PACSIN2: variants seen among roughly 807,000 people sequenced by gnomAD.
PACSIN2 encodes protein kinase C and casein kinase substrate in neurons 2, also known as protein kinase C and casein kinase substrate in neurons protein 2.
In PACSIN2, 25 loss-of-function variants were observed where a neutral mutation model predicts 63.8. That is an observed-to-expected ratio of 0.39 (90% CI 0.29 to 0.55). The LOEUF (loss-of-function observed/expected upper bound fraction) is 0.55, where lower values mean the gene tolerates loss of function less well. PACSIN2 is among the 20% of genes least tolerant of loss of function. PACSIN2 has a pLI of 0.62. For missense variants in PACSIN2, 518 were observed against 646.9 expected (o/e 0.80, Z 2.16); for synonymous variants, 255 against 256.2 (o/e 1.00, Z 0.05).
chr22:42,962,093 C>G (rs1325583500), intron 1 of PACSIN2, among the ~76,000 whole-genome samples: 1 of 152,120 alleles, frequency 6.6e-6, no homozygotes, highest in Non-Finnish European at 1.5e-5. Flanking sequence ...AGTTTGAGAC[C>G]AGCCTGGCCA....
At position 42,871,332 on chromosome 22, in the gene PACSIN2, C is replaced by A; in HGVS notation, c.*25G>T. 1 of 1,513,780 alleles carries A rather than the reference C, an allele frequency of 6.6e-7. No individual in the cohort carries two copies. The highest frequency in any genetic ancestry group is 9.2e-7 in the Non-Finnish European group (1 of 1,088,482). The allele number at this position is 1,513,780 out of a possible 1,614,324, so 93.8% of individuals were successfully genotyped here. A position where few individuals can be genotyped will look rare whatever the true frequency, so the allele number is the denominator to read the frequency against. On this transcript the variant is annotated 3_prime_UTR_variant, in exon 11 of 11. Transcript: ENST00000263246. The surrounding 1 kb of genome is among the most constrained non-coding windows in gnomAD (Gnocchi z 5.4). Reference sequence around the variant, plus strand: ...GGCTCCTGGGCCCGCCGCCTCCGTCCCCCCGCTGGCCTGTCCCCGACTCAT... The same window carrying A: ...GGCTCCTGGGCCCGCCGCCTCCGTCACCCCGCTGGCCTGTCCCCGACTCAT...
At chr22:42,893,436 A>C (rs1205350251) in intron 3 of PACSIN2, 21 bp downstream of exon 3, 1 of 1,607,774 alleles carries the variant, frequency 6.2e-7, no homozygotes, top group African/African-American at 1.3e-5. Flanking sequence ...AGGCCACAGG[A>C]CCTGTGCCGG....
intron 1 of PACSIN2, chr22:42,959,894 A>G (rs1057068810): frequency 6.6e-6 from 1 of 152,236 alleles, no homozygotes; most frequent in Non-Finnish European, 1.5e-5. Flanking sequence ...CTCTCAGCTG[A>G]ATTCTCCCAG....
chr22:42,885,248 G>C (rs114982822), intron 5 of PACSIN2, among the ~76,000 whole-genome samples: 1,600 of 152,196 alleles, frequency 0.011, 29 homozygotes, highest in African/African-American at 0.036. Flanking sequence ...TCATCTGGTG[G>C]GGATGTGCCT....
chr22:42,908,874 G>A (rs994885894), intron 2 of PACSIN2, among the ~76,000 whole-genome samples: 36 of 152,214 alleles, frequency 2.4e-4, no homozygotes, highest in African/African-American at 8.4e-4. Flanking sequence ...AGCAGACCAT[G>A]TTACTGAGAG....
At chr22:42,978,047 T>C (rs1430333432) in intron 1 of PACSIN2, among the ~76,000 whole-genome samples, 1 of 152,230 alleles carries the variant, frequency 6.6e-6, no homozygotes, top group Non-Finnish European at 1.5e-5. Flanking sequence ...TAAAAACTAC[T>C]GACCTGGAGA....
At chr22:42,904,845 T>C (rs1930958097) in intron 2 of PACSIN2, among the ~76,000 whole-genome samples, 1 of 152,120 alleles carries the variant, frequency 6.6e-6, no homozygotes, top group Non-Finnish European at 1.5e-5. Flanking sequence ...CCTCTCCCCA[T>C]CTCTGTGCCT....
At chr22:43,004,248 A>C (rs967573859) in intron 1 of PACSIN2, among the ~76,000 whole-genome samples, 5 of 152,178 alleles carry the variant, frequency 3.3e-5, no homozygotes, top group Non-Finnish European at 7.3e-5. Flanking sequence ...AGTGGAGAGA[A>C]CACTATCTGG....
chr22:42,965,565 G>T (rs1229096934), intron 1 of PACSIN2, among the ~76,000 whole-genome samples: 2 of 152,186 alleles, frequency 1.3e-5, no homozygotes, highest in African/African-American at 4.8e-5. Flanking sequence ...CATTAACCAA[G>T]AACCACAAAG....
At chr22:42,979,887 T>A (rs1921962326) in intron 1 of PACSIN2, among the ~76,000 whole-genome samples, 1 of 152,222 alleles carries the variant, frequency 6.6e-6, no homozygotes, top group South Asian at 2.1e-4. Context: ...AAACCCCTGC[T>A]TATGCCAACT....
chr22:42,952,503 C>T (rs182577540), intron 1 of PACSIN2, among the ~76,000 whole-genome samples: 15 of 150,212 alleles, frequency 1.0e-4, no homozygotes, highest in African/African-American at 2.9e-4. Flanking sequence ...GGACTTTAGG[C>T]GCGCACCACC....
At chr22:42,974,330 C>A (rs942217085) in intron 1 of PACSIN2, among the ~76,000 whole-genome samples, 5 of 152,200 alleles carry the variant, frequency 3.3e-5, no homozygotes, top group African/African-American at 1.2e-4. Flanking sequence ...GAGCATTCAC[C>A]TGTTAATTAG....
chr22:42,979,260 A>G (rs1466408242), intron 1 of PACSIN2, among the ~76,000 whole-genome samples: 1 of 152,186 alleles, frequency 6.6e-6, no homozygotes, highest in Non-Finnish European at 1.5e-5. Flanking sequence ...GCGGTGGCTC[A>G]TGCCTGCAAT....
chr22:42,954,644 G>A (rs910655124), intron 1 of PACSIN2, among the ~76,000 whole-genome samples: 8 of 152,314 alleles, frequency 5.3e-5, no homozygotes, highest in African/African-American at 1.7e-4. Context: ...CAATTTTAAT[G>A]TAAACAGTCA....
intron 1 of PACSIN2, among the ~76,000 whole-genome samples, chr22:42,917,261 A>G (rs1237490264): frequency 1.3e-5 from 2 of 152,150 alleles, no homozygotes. Context: ...TTAACCACTG[A>G]TCTTAACCAC....
chr22:42,892,102 C>T (rs2146672855), intron 3 of PACSIN2, among the ~76,000 whole-genome samples: 1 of 152,276 alleles, frequency 6.6e-6, no homozygotes, highest in Middle Eastern at 3.4e-3. Context: ...GGCTGAGTCG[C>T]CTCTCCCTAC....
At chr22:42,935,805 A>G (rs1473706594) in intron 1 of PACSIN2, among the ~76,000 whole-genome samples, 2 of 152,174 alleles carry the variant, frequency 1.3e-5, no homozygotes, top group Non-Finnish European at 2.9e-5. Context: ...GAGAGCTCAG[A>G]GAGTCCCAGG....
chr22:42,917,122 A>T (rs1305517269), intron 1 of PACSIN2, among the ~76,000 whole-genome samples: 2 of 151,910 alleles, frequency 1.3e-5, no homozygotes, highest in Non-Finnish European at 2.9e-5. Context: ...AGTCCTAACA[A>T]CTCTATGGGG....
At chr22:42,882,847 ACTG>A (rs1929183251) in intron 6 of PACSIN2, among the ~76,000 whole-genome samples, 1 of 152,048 alleles carries the variant, frequency 6.6e-6, no homozygotes, top group Admixed American at 6.6e-5. Context: ...AGTATGGATC[ACTG>A]CTGGACCTGA....
Sources: gnomAD v4.1 joint callset for allele counts (sites outside exome capture counted in the v4.1 genomes callset) on GRCh38, gnomAD v4.1.1 for gene constraint, Gnocchi (gnomAD v3.1) non-coding constraint, MANE v1.5 for transcripts, NCBI Gene and HGNC (gene_info 2026-07-23, HGNC 2026-07-21) for gene names.